The following DHX36 variants were observed in gnomAD, a reference collection of about 807,000 sequenced individuals.
DHX36 encodes the protein ATP-dependent DNA/RNA helicase DHX36.
Under a neutral mutation model 139.0 loss-of-function variants are expected in DHX36, and 50 were observed. The ratio of observed to expected loss-of-function variants is 0.36; its 90% CI spans 0.29 to 0.46. DHX36 has a LOEUF of 0.46. Ranked by LOEUF, DHX36 falls within the 20% of genes least tolerant of loss-of-function variation. DHX36 has a pLI of 1.00. For synonymous variants in DHX36, 425 were observed against 401.9 expected (o/e 1.06, Z -0.69); for missense variants, 1,024 against 1,211.3 (o/e 0.85, Z 2.29).
intron 20 of DHX36, among the ~76,000 whole-genome samples, chr3:154,281,825 GCATGTGTAATTCCTAACACCATTTTGT>G (rs1719343885): frequency 6.6e-6 from 1 of 151,784 alleles, no homozygotes; most frequent in Non-Finnish European, 1.5e-5. Flanking sequence ...ATTCTATTTT[GCATGTGTAATTCCTAACACCATTTTGT>G]TATTAGCTCT....
intron 3 of DHX36, among the ~76,000 whole-genome samples, chr3:154,312,488 TA>T (rs981927779): frequency 5.4e-5 from 8 of 148,470 alleles, no homozygotes; most frequent in African/African-American, 4.9e-5. Context: ...ACATATAATG[TA>T]AAAAAAAAAC....
chr3:154,276,774 A>C lies in DHX36; in HGVS notation c.2814T>G (p.Ser938=). Residue 938 remains serine (S), a synonymous_variant, in exon 24 of 25, where the codon TCT becomes TCG. Coordinates refer to ENST00000496811, the MANE Select transcript of DHX36 (RefSeq NM_020865.3). ...TAACAAGATGGGCAATTCTTGCTGG[A>C]GACTGAAATACAATCCACTCATCTA... ...IAVDEWIVFQ[S]PARIAHLVKE... 2.5e-6 allele frequency: 4 copies of C among 1,613,854 alleles called. No individual in the cohort carries two copies. Among genetic ancestry groups the C allele is most frequent in the Non-Finnish European group, 3.4e-6 (4 of 1,179,918 alleles).
chr3:154,314,704 T>C (rs1011685668), intron 3 of DHX36: 1 of 177,332 alleles, frequency 5.6e-6, no homozygotes, highest in African/African-American at 2.4e-5. Context: ...TTAAGTAATC[T>C]GGAACAAGCT....
intron 22 of DHX36, 134 bp downstream of exon 22, chr3:154,280,445 A>T: frequency 1.5e-6 from 1 of 659,208 alleles, no homozygotes; most frequent in Non-Finnish European, 2.6e-6. Context: ...CCTTCTCTGA[A>T]ATGATTAAAA....
At chr3:154,295,194 T>A in intron 13 of DHX36, 90 bp downstream of exon 13, 1 of 761,970 alleles carries the variant, frequency 1.3e-6, no homozygotes, top group African/African-American at 1.9e-5. Context: ...AAATACTCCT[T>A]AAAAAAAATA....
chr3:154,309,300 T>C (rs1712642532), intron 5 of DHX36, among the ~76,000 whole-genome samples: 1 of 146,144 alleles, frequency 6.8e-6, no homozygotes, highest in African/African-American at 2.6e-5. Context: ...ATGACAGAAG[T>C]AAAAAAAAAA....
intron 5 of DHX36, 27 bp downstream of exon 5, chr3:154,309,626 T>C: frequency 6.4e-7 from 1 of 1,556,842 alleles, no homozygotes; most frequent in Non-Finnish European, 8.7e-7. Context: ...AAAAAGACAA[T>C]TTTTAATAAG....
At chr3:154,295,436 A>G (rs1712001322) in intron 12 of DHX36, 97 bp from the exon 13 acceptor site, 2 of 528,986 alleles carry the variant, frequency 3.8e-6, no homozygotes, top group East Asian at 3.5e-5. Context: ...GAACCACTCA[A>G]TTCTTTTTTT....
chr3:154,313,018 A>T (rs1712834590), intron 3 of DHX36, among the ~76,000 whole-genome samples: 1 of 150,210 alleles, frequency 6.7e-6, no homozygotes, highest in Admixed American at 6.7e-5. Flanking sequence ...ACTGAAATGA[A>T]TTCTAGTCAT....
chr3:154,314,879 C>G (rs997245499), intron 3 of DHX36, 167 bp downstream of exon 3: 2 of 581,434 alleles, frequency 3.4e-6, no homozygotes, highest in Non-Finnish European at 6.1e-6. Flanking sequence ...TGTGTAACTT[C>G]CATTCCCACT....
intron 4 of DHX36, among the ~76,000 whole-genome samples, chr3:154,311,188 C>CAG (rs1169047137): frequency 6.6e-6 from 1 of 151,740 alleles, no homozygotes; most frequent in Non-Finnish European, 1.5e-5. Context: ...GTTGAGAAAA[C>CAG]AGAGAAGGAT....
chr3:154,296,170 C>G (rs372683452), intron 12 of DHX36, among the ~76,000 whole-genome samples: 125 of 152,192 alleles, frequency 8.2e-4, no homozygotes, highest in African/African-American at 2.9e-3. Context: ...TGAAATAGTC[C>G]TTGTTAAAAA....
chr3:154,306,944 A>G (rs1712524694), intron 5 of DHX36, among the ~76,000 whole-genome samples: 2 of 152,120 alleles, frequency 1.3e-5, no homozygotes, highest in Admixed American at 6.5e-5. Flanking sequence ...TGTCTACTCA[A>G]ATTCCAACAG....
At chr3:154,289,213 G>A (rs1711688374) in intron 16 of DHX36, among the ~76,000 whole-genome samples, 1 of 152,088 alleles carries the variant, frequency 6.6e-6, no homozygotes, top group Non-Finnish European at 1.5e-5. Flanking sequence ...CAATGAACAA[G>A]TTGATTACCC....
chr3:154,312,900 T>TATATATATATATAA lies in DHX36; in HGVS notation c.604-1227_604-1226insTTATATATATATAT, dbSNP rs1331669290. ...ATATATATATATATATATATATATA[T>TATATATATATATAA]AAAATAAATAAAGAACTGTCTTTGG... On this transcript the variant is annotated intron_variant, in intron 3 of 24. Coordinates refer to ENST00000496811, the MANE Select transcript of DHX36 (RefSeq NM_020865.3). Among the ~76,000 whole-genome samples the TATATATATATATAA allele has an allele frequency of 7.4e-4, 50 of 67,580 alleles. 1 individual carries two copies. Among genetic ancestry groups the TATATATATATATAA allele is most frequent in the Admixed American group, 1.4e-3 (7 of 4,866 alleles). The allele number at this position is 67,580 out of a possible 152,430, so 44.3% of individuals were successfully genotyped here.
chr3:154,317,699 G>T (rs1391426675), intron 1 of DHX36, among the ~76,000 whole-genome samples: 3 of 152,054 alleles, frequency 2.0e-5, no homozygotes, highest in Admixed American at 6.6e-5. Flanking sequence ...GATCTTCAAG[G>T]TATTTTTGGT....
In DHX36 at chr3:154,280,856, G is replaced by A; in HGVS notation, c.2383C>T (p.His795Tyr). Residue 795 changes from histidine to tyrosine, a missense_variant, in exon 21 of 25, where the codon CAT becomes TAT. Physicochemically the swap from His to Tyr is moderately conservative, Grantham distance 83 (BLOSUM62 2). Around this residue, in one of 4 missense-constraint regions of DHX36, gnomAD observed 470 missense variants for 616.2 expected, o/e 0.76. Transcript: ENST00000496811. ...TCAGCAAACTGTCCTTTCATGTTAT[G>A]CAGCATCTAGGGAGCAATGGTAACA... is the stretch of plus-strand genomic sequence containing the variant. ...FLSSNTLQML[H>Y]NMKGQFAEHL... The A allele has an allele frequency of 1.9e-6, 3 of 1,612,654 alleles. No homozygotes were observed. The highest frequency in any genetic ancestry group is 2.5e-6 in the Non-Finnish European group (3 of 1,179,332).
chr3:154,304,760 T>G lies in DHX36; in HGVS notation c.1135+46A>C, dbSNP rs1426195935. The G allele has an allele frequency of 2.9e-6, 4 of 1,402,184 alleles. 1 individual carries two copies. The South Asian group carries it at 6.4e-5, about 22-fold the overall frequency. 86.9% of individuals were successfully genotyped at this position (1,402,184 alleles called of 1,614,324 possible). A position where few individuals can be genotyped will look rare whatever the true frequency, so the allele number is the denominator to read the frequency against. ...AGTACCATATTAATTTTTTTAATTG[T>G]TTTTCTAGTACCTTTTCTAATGTAA... On this transcript the variant is annotated intron_variant, in intron 8 of 24. Coordinates refer to ENST00000496811, the MANE Select transcript of DHX36 (RefSeq NM_020865.3).
In DHX36 at chr3:154,288,999, T is replaced by C. The variant is rs760136378; in HGVS notation, c.1933-35A>G. ...GGAGACAAATATTATTAAATACATA[T>C]AATATTAATATATTAGCATTACAAC... On this transcript the variant is annotated intron_variant, in intron 16 of 24. Transcript: ENST00000496811. 6 of 1,053,762 alleles carry C rather than the reference T, an allele frequency of 5.7e-6. No individual in the cohort carries two copies. The South Asian group carries it at 5.7e-5, about 10-fold the overall frequency. The allele number at this position is 1,053,762 out of a possible 1,614,324, so 65.3% of individuals were successfully genotyped here. A position where few individuals can be genotyped will look rare whatever the true frequency, so the allele number is the denominator to read the frequency against.
Sources: allele counts gnomAD v4.1 joint callset (sites outside exome capture counted in the v4.1 genomes callset), GRCh38; gene constraint gnomAD v4.1.1; regional missense constraint gnomAD v4.1.1; transcripts MANE v1.5; gene names NCBI Gene and HGNC (gene_info 2026-07-23, HGNC 2026-07-21).